The following DACH2 variants were observed in gnomAD, a reference collection of about 807,000 sequenced individuals.
DACH2 encodes dachshund family transcription factor 2.
A neutral mutation model predicts 35.8 loss-of-function variants in DACH2; 17 were observed. The observed-to-expected ratio is 0.48, with a 90% CI of 0.33 to 0.71. The LOEUF (loss-of-function observed/expected upper bound fraction) is 0.71, where lower values mean the gene tolerates loss of function less well. Ranked by LOEUF, DACH2 falls within the 30% of genes least tolerant of loss-of-function variation. The pLI, the probability that DACH2 is intolerant of heterozygous loss-of-function variation, is 0.02. For missense variants in DACH2, 469 were observed against 472.7 expected (o/e 0.99, Z 0.07); for synonymous variants, 195 against 177.3 (o/e 1.10, Z -0.79).
At chrX:86,430,554 T>C (rs2036969143) in intron 2 of DACH2, among the ~76,000 whole-genome samples, 2 of 112,393 alleles carry the variant, frequency 1.8e-5, no homozygotes, top group South Asian at 7.3e-4. Flanking sequence ...CTGAATTATA[T>C]CTAAATCTGG....
intron 11 of DACH2, 49 bp downstream of exon 11, chrX:86,816,148 C>G (rs12837683): frequency 0.39 from 353,631 of 910,097 alleles, 52,966 homozygotes; most frequent in Middle Eastern, 0.44. Context: ...TATGTGACCC[C>G]TGGGGATGAG....
intron 4 of DACH2, among the ~76,000 whole-genome samples, chrX:86,678,752 C>T (rs965270735): frequency 5.4e-5 from 6 of 111,680 alleles, no homozygotes; most frequent in Middle Eastern, 4.8e-3. Flanking sequence ...ATTTTATTAT[C>T]AAGTCATAGA....
At chrX:86,365,554 G>A (rs1398189339) in intron 1 of DACH2, among the ~76,000 whole-genome samples, 1 of 110,982 alleles carries the variant, frequency 9.0e-6, no homozygotes, top group Non-Finnish European at 1.9e-5. Flanking sequence ...AGTATCCGTC[G>A]GTATTTGGGA....
At chrX:86,252,482 A>C (rs1243989861) in intron 1 of DACH2, among the ~76,000 whole-genome samples, 1 of 111,065 alleles carries the variant, frequency 9.0e-6, no homozygotes, top group Non-Finnish European at 1.9e-5. Context: ...TTAGGTCTTA[A>C]ATTTAAGTTC....
chrX:86,538,273 T>C (rs1353115448), intron 3 of DACH2, among the ~76,000 whole-genome samples: 1 of 111,637 alleles, frequency 9.0e-6, no homozygotes, highest in Non-Finnish European at 1.9e-5. Context: ...CTCTAAAAGA[T>C]TCAGAATTTT....
At chrX:86,572,067 G>A (rs986181175) in intron 3 of DACH2, among the ~76,000 whole-genome samples, 26 of 110,838 alleles carry the variant, frequency 2.3e-4, no homozygotes, top group Non-Finnish European at 1.3e-4. Flanking sequence ...CACAGAAAGC[G>A]GAACATCACA....
intron 3 of DACH2, among the ~76,000 whole-genome samples, chrX:86,606,958 G>T (rs1157158279): frequency 9.0e-6 from 1 of 111,668 alleles, no homozygotes; most frequent in African/African-American, 3.3e-5. Context: ...GACCTCGTTT[G>T]TCTATTTTTA....
chrX:86,328,676 A>T (rs1482337919), intron 1 of DACH2, among the ~76,000 whole-genome samples: 3 of 111,792 alleles, frequency 2.7e-5, no homozygotes, highest in Non-Finnish European at 3.8e-5. Flanking sequence ...TATGTTCTGA[A>T]GTCTGCTTCC....
intron 1 of DACH2, among the ~76,000 whole-genome samples, chrX:86,267,125 T>C (rs1356145255): frequency 8.9e-6 from 1 of 112,142 alleles, no homozygotes; most frequent in Non-Finnish European, 1.9e-5. Flanking sequence ...AATGAATATG[T>C]CATCATTACT....
At chrX:86,292,454 T>C (rs1316182802) in intron 1 of DACH2, among the ~76,000 whole-genome samples, 1 of 108,278 alleles carries the variant, frequency 9.2e-6, no homozygotes, top group Non-Finnish European at 1.9e-5. Context: ...TAGTTATTTC[T>C]TGCCTTCTGC....
At chrX:86,326,205 G>T (rs1008412133) in intron 1 of DACH2, among the ~76,000 whole-genome samples, 1 of 110,481 alleles carries the variant, frequency 9.1e-6, no homozygotes, top group Non-Finnish European at 1.9e-5. Context: ...GGCTGGGTGC[G>T]GTGGCTCACG....
intron 1 of DACH2, among the ~76,000 whole-genome samples, chrX:86,349,766 C>CT (rs766793119): frequency 8.0e-4 from 88 of 109,648 alleles, no homozygotes; most frequent in Admixed American, 3.2e-3. Context: ...TTACAGTAAT[C>CT]TTTTTTTTTT....
intron 3 of DACH2, among the ~76,000 whole-genome samples, chrX:86,624,842 A>G (rs2040114725): frequency 9.0e-6 from 1 of 111,454 alleles, no homozygotes; most frequent in Non-Finnish European, 1.9e-5. Flanking sequence ...CATCACCAAG[A>G]TGGTATAGTG....
chrX:86,283,278 G>C (rs1226275528), intron 1 of DACH2, among the ~76,000 whole-genome samples: 2 of 111,126 alleles, frequency 1.8e-5, no homozygotes, highest in Non-Finnish European at 3.8e-5. Flanking sequence ...TTACACTGTT[G>C]GTTGGAGTTT....
chrX:86,637,241 A>AAAAAAAAAAAAAAAAAC (rs1569457456), intron 3 of DACH2, among the ~76,000 whole-genome samples: 1 of 77,926 alleles, frequency 1.3e-5, no homozygotes, highest in Non-Finnish European at 2.4e-5. Context: ...AAAAAAAAAA[A>AAAAAAAAAAAAAAAAAC]AAAAACAGAT....
intron 2 of DACH2, among the ~76,000 whole-genome samples, chrX:86,480,736 C>A (rs954719362): frequency 3.6e-5 from 4 of 111,922 alleles, no homozygotes; most frequent in Non-Finnish European, 7.5e-5. Flanking sequence ...GAAATAAAAA[C>A]CATATAATCT....
intron 11 of DACH2, among the ~76,000 whole-genome samples, chrX:86,824,670 A>T (rs1469366804): frequency 8.9e-6 from 1 of 112,075 alleles, no homozygotes; most frequent in East Asian, 2.8e-4. Flanking sequence ...TCCATTCAGG[A>T]TCCCTGACTT....
At chrX:86,619,758 A>G (rs2040048015) in intron 3 of DACH2, among the ~76,000 whole-genome samples, 1 of 112,152 alleles carries the variant, frequency 8.9e-6, no homozygotes, top group South Asian at 3.7e-4. Flanking sequence ...GGCAGATAAT[A>G]TGGCATTTCA....
At chrX:86,172,787 A>C (rs2031169927) in intron 1 of DACH2, among the ~76,000 whole-genome samples, 1 of 111,852 alleles carries the variant, frequency 8.9e-6, no homozygotes, top group African/African-American at 3.2e-5. Context: ...ATTTCACTGT[A>C]ATTTCTTTAA....
Sources: allele counts gnomAD v4.1 joint callset (sites outside exome capture counted in the v4.1 genomes callset), GRCh38; gene constraint gnomAD v4.1.1; transcripts MANE v1.5; gene names NCBI Gene and HGNC (gene_info 2026-07-23, HGNC 2026-07-21).